The following CCNY variants were observed in gnomAD, a reference collection of about 807,000 sequenced individuals.
CCNY encodes the protein cyclin Y.
A neutral mutation model predicts 42.8 loss-of-function variants in CCNY; 19 were observed. The observed-to-expected ratio is 0.44, with a 90% CI of 0.31 to 0.65. CCNY has a LOEUF of 0.65. CCNY is among the 30% of genes least tolerant of loss of function. The pLI, the probability that CCNY is intolerant of heterozygous loss-of-function variation, is 0.07. For missense variants in CCNY, 370 were observed against 437.3 expected, an observed-to-expected ratio of 0.85 and a Z score of 1.37; for synonymous variants, 165 against 162.7, an observed-to-expected ratio of 1.01 and a Z score of -0.11.
At chr10:35,400,322 T>C (rs1837616865) in intron 1 of CCNY, among the ~76,000 whole-genome samples, 1 of 152,148 alleles carries the variant, frequency 6.6e-6, no homozygotes, top group Admixed American at 6.5e-5. Context: ...GAGAGGAAGC[T>C]GCACAGATCC....
intron 1 of CCNY, among the ~76,000 whole-genome samples, chr10:35,455,653 C>T (rs997474286): frequency 5.3e-5 from 8 of 150,012 alleles, no homozygotes; most frequent in Admixed American, 3.3e-4. Flanking sequence ...TCTTCCCTTC[C>T]TCTCCCCTTT....
At chr10:35,411,377 G>T (rs1326965079) in intron 1 of CCNY, among the ~76,000 whole-genome samples, 2 of 152,030 alleles carry the variant, frequency 1.3e-5, no homozygotes, top group Non-Finnish European at 2.9e-5. Flanking sequence ...GCCAGGCATA[G>T]TGGCGCGTGC....
intron 1 of CCNY, among the ~76,000 whole-genome samples, chr10:35,474,078 G>C (rs548765982): frequency 3.3e-5 from 5 of 152,308 alleles, no homozygotes; most frequent in African/African-American, 1.2e-4. Flanking sequence ...CGAATACTGC[G>C]CTTTTCCAAC....
chr10:35,471,267 G>A (rs557699256), intron 1 of CCNY, among the ~76,000 whole-genome samples: 19 of 152,282 alleles, frequency 1.2e-4, no homozygotes, highest in Non-Finnish European at 2.2e-4. Context: ...GGGCTTGCGA[G>A]GGGGAGGGGA....
At chr10:35,386,934 C>T (rs900842114) in intron 1 of CCNY, among the ~76,000 whole-genome samples, 1 of 152,110 alleles carries the variant, frequency 6.6e-6, no homozygotes, top group Non-Finnish European at 1.5e-5. Flanking sequence ...GGCCCAAATG[C>T]AGTGCTGCCT....
Position 35,299,147 on chromosome 10 carries a change from T to C in CCNY, c.-9+48521T>C, listed in dbSNP as rs1835505207. 2.6e-5 allele frequency among the ~76,000 whole-genome samples: 4 copies of C among 152,364 alleles called. No individual in the cohort carries two copies. In the South Asian group the frequency reaches 8.3e-4, roughly 32 times the overall value. ...TGCATTTTGTTGGAGAAGCCCGGTA[T>C]GTGATTTCAATCCTGCTGGATTTAT... On this transcript the variant is annotated intron_variant, in intron 3 of 11. Transcript: ENST00000374706.
intron 3 of CCNY, among the ~76,000 whole-genome samples, chr10:35,306,886 C>T (rs556406288): frequency 1.8e-4 from 28 of 152,260 alleles, no homozygotes; most frequent in African/African-American, 6.5e-4. Flanking sequence ...CAAATAGCCT[C>T]AGAGCAATAT....
chr10:35,297,472 T>C (rs1412195903), intron 3 of CCNY, among the ~76,000 whole-genome samples: 2 of 152,134 alleles, frequency 1.3e-5, no homozygotes, highest in African/African-American at 4.8e-5. Flanking sequence ...CTATTCAATA[T>C]AGTACTGGAA....
At chr10:35,465,920 A>T (rs1279336224) in intron 1 of CCNY, among the ~76,000 whole-genome samples, 1 of 133,036 alleles carries the variant, frequency 7.5e-6, no homozygotes, top group African/African-American at 3.0e-5. Context: ...AGAGAGAGAG[A>T]GAGAGAGAGA....
intron 3 of CCNY, among the ~76,000 whole-genome samples, chr10:35,299,093 C>G (rs150753141): frequency 5.9e-5 from 9 of 152,258 alleles, no homozygotes; most frequent in Non-Finnish European, 1.2e-4. Flanking sequence ...AGAAGAGTTC[C>G]AGTTTCAGTT....
At chr10:35,264,462 A>G (rs1157135296) in intron 3 of CCNY, among the ~76,000 whole-genome samples, 1 of 152,122 alleles carries the variant, frequency 6.6e-6, no homozygotes, top group Non-Finnish European at 1.5e-5. Context: ...TTTCTCTGCA[A>G]CTTCACCAGC....
intron 3 of CCNY, among the ~76,000 whole-genome samples, chr10:35,283,318 A>T (rs1835317849): frequency 6.6e-6 from 1 of 152,238 alleles, no homozygotes; most frequent in African/African-American, 2.4e-5. Flanking sequence ...CATTGCACAC[A>T]GTAGAAATGT....
chr10:35,314,677 C>A (rs1040611646), intron 3 of CCNY: 1 of 152,056 alleles, frequency 6.6e-6, no homozygotes, highest in Admixed American at 6.6e-5. Flanking sequence ...AAATGTCCTG[C>A]GTCCTCTCCT....
rs763652595 is a variant in CCNY, at chr10:35,337,171, A to G, written c.118A>G (p.Asn40Asp). The stretch of plus-strand genomic sequence containing the variant: ...CCTGAGCCGCGAGGACACGGGCTGC[A>G]ACCTGCAGCACATCAGCGACCGGGA... Reference protein sequence around the residue: ...TDLSREDTGCNLQHISDRENI... With the variant: ...TDLSREDTGCDLQHISDRENI... The change falls in exon 1 of 10, where the codon AAC (asparagine) becomes GAC (aspartate). Residue 40 changes from asparagine (N) to aspartate (D), a missense_variant. Coordinates refer to ENST00000374704, the MANE Select transcript of CCNY (RefSeq NM_145012.6). The G allele has an allele frequency of 1.3e-5, 20 of 1,573,048 alleles. No individual in the cohort carries two copies. The highest frequency in any genetic ancestry group is 1.7e-5 in the Non-Finnish European group (20 of 1,161,882).
intron 3 of CCNY, among the ~76,000 whole-genome samples, chr10:35,302,119 C>A (rs1306735004): frequency 6.6e-6 from 1 of 150,780 alleles, no homozygotes; most frequent in African/African-American, 2.4e-5. Flanking sequence ...CACGCCACCA[C>A]GCCTGGCTAA....
intron 1 of CCNY, among the ~76,000 whole-genome samples, chr10:35,420,731 G>C (rs1160667577): frequency 6.6e-6 from 1 of 152,158 alleles, no homozygotes; most frequent in Non-Finnish European, 1.5e-5. Context: ...AAGCAAATAT[G>C]TTTTCAAACC....
chr10:35,538,967 G>T (rs1840941770), intron 7 of CCNY, among the ~76,000 whole-genome samples: 1 of 152,140 alleles, frequency 6.6e-6, no homozygotes. Flanking sequence ...TGAGTTAGGG[G>T]TCCACATTCG....
chr10:35,340,841 A>G lies in CCNY; in HGVS notation c.154+3634A>G, dbSNP rs148303762. On this transcript the variant is annotated intron_variant, in intron 1 of 9. Coordinates refer to ENST00000374704, the MANE Select transcript of CCNY (RefSeq NM_145012.6). ...TTTTATAGTTTACCTGTCATCCTTG[A>G]CAACTCACTTTCTCCCTCGTCCTGT... 6.4e-3 allele frequency among the ~76,000 whole-genome samples: 968 copies of G among 152,252 alleles called. 10 individuals carry two copies. Among genetic ancestry groups the G allele is most frequent in the African/African-American group, 0.023 (943 of 41,526 alleles).
intron 1 of CCNY, among the ~76,000 whole-genome samples, chr10:35,422,191 A>G (rs1838173262): frequency 1.3e-5 from 2 of 152,232 alleles, no homozygotes. Context: ...ATTTAAATTT[A>G]AAACCTACAG....
Sources: allele counts gnomAD v4.1 joint callset (sites outside exome capture counted in the v4.1 genomes callset), GRCh38; gene constraint gnomAD v4.1.1; transcripts MANE v1.5; gene names NCBI Gene and HGNC (gene_info 2026-07-23, HGNC 2026-07-21).